PDZD2: variants seen among roughly 807,000 people sequenced by gnomAD.
PDZD2 encodes the protein PDZ domain-containing protein 2.
PDZD2 carries 90 observed loss-of-function variants against 220.7 expected under a neutral mutation model. The observed-to-expected ratio is 0.41, with a 90% CI of 0.34 to 0.49. The LOEUF is 0.49. Ranked by LOEUF, PDZD2 falls within the 20% of genes least tolerant of loss-of-function variation. The pLI, the probability that PDZD2 is intolerant of heterozygous loss-of-function variation, is 0.28. For synonymous variants in PDZD2, 1,375 were observed against 1,450.5 expected (o/e 0.95, Z 1.18); for missense variants, 3,174 against 3,608.5 (o/e 0.88, Z 3.08).
intron 1 of PDZD2, among the ~76,000 whole-genome samples, chr5:31,687,699 C>T (rs1161857287): frequency 3.3e-5 from 5 of 152,196 alleles, no homozygotes; most frequent in African/African-American, 4.8e-5. Flanking sequence ...GGCTGGACAT[C>T]TGAGATCAGT....
chr5:31,944,607 A>C (rs917012496), intron 2 of PDZD2, among the ~76,000 whole-genome samples: 1 of 152,226 alleles, frequency 6.6e-6, no homozygotes, highest in Non-Finnish European at 1.5e-5. Flanking sequence ...CAGAAGACAG[A>C]CTTCGCCTGC....
intron 2 of PDZD2, among the ~76,000 whole-genome samples, chr5:31,925,105 G>C (rs971673244): frequency 6.6e-6 from 1 of 152,234 alleles, no homozygotes; most frequent in Admixed American, 6.5e-5. Flanking sequence ...TGACCGGCAG[G>C]AGGGCCTAAG....
chr5:31,822,741 A>G, intron 2 of PDZD2: 1 of 1,203,434 alleles, frequency 8.3e-7, no homozygotes, highest in Non-Finnish European at 1.2e-6. Flanking sequence ...CTGAACAAGG[A>G]ACACCTGGCC....
At chr5:31,716,101 T>A (rs1748428823) in intron 1 of PDZD2, among the ~76,000 whole-genome samples, 1 of 152,180 alleles carries the variant, frequency 6.6e-6, no homozygotes, top group African/African-American at 2.4e-5. Flanking sequence ...CTCCCAAAAC[T>A]AGCTTTCTCT....
chr5:31,939,412 G>A (rs2150400925), intron 2 of PDZD2, among the ~76,000 whole-genome samples: 1 of 152,350 alleles, frequency 6.6e-6, no homozygotes, highest in Middle Eastern at 3.4e-3. Context: ...ATCAGCACGT[G>A]AGAAAATGTA....
chr5:31,793,874 G>A (rs1020282788), intron 1 of PDZD2, among the ~76,000 whole-genome samples: 9 of 152,254 alleles, frequency 5.9e-5, no homozygotes, highest in Admixed American at 1.3e-4. Flanking sequence ...CCTTGGGCAC[G>A]CACAGTTGTC....
chr5:31,852,257 C>T lies in PDZD2; in HGVS notation c.476+52533C>T, dbSNP rs140617700. On this transcript the variant is annotated intron_variant, in intron 2 of 24. Transcript: ENST00000438447. The stretch of plus-strand genomic sequence containing the variant: ...ATATTTCTTTGCATTATACTTAAAA[C>T]CATACATTTATTTTTATTATTTATT... Among the ~76,000 whole-genome samples, 795 of 152,156 alleles carry T rather than the reference C, an allele frequency of 5.2e-3. 9 individuals carry two copies. The highest frequency in any genetic ancestry group is 0.018 in the African/African-American group (758 of 41,518).
Position 31,764,405 on chromosome 5 carries a change from A to G in PDZD2, c.-360-34484A>G, listed in dbSNP as rs1218435856. On this transcript the variant is annotated intron_variant, in intron 1 of 24. Coordinates refer to ENST00000438447, the MANE Select transcript of PDZD2 (RefSeq NM_178140.4). ...AAACCCTTAGAGGATTTGCCTCTAGATCAGATGTCCAAAAACTCTCCTGGA... is the reference window on the plus strand; with the variant it reads ...AAACCCTTAGAGGATTTGCCTCTAGGTCAGATGTCCAAAAACTCTCCTGGA... Among the ~76,000 whole-genome samples, 3 of 152,168 alleles carry G rather than the reference A, an allele frequency of 2.0e-5. No homozygotes were observed. The East Asian group carries it at 5.8e-4, about 29-fold the overall frequency.
chr5:31,930,854 G>T (rs1745219334), intron 2 of PDZD2, among the ~76,000 whole-genome samples: 1 of 152,154 alleles, frequency 6.6e-6, no homozygotes, highest in African/African-American at 2.4e-5. Context: ...TGGATCACTT[G>T]AGGTCAGGAG....
At chr5:31,773,895 G>A (rs1752478855) in intron 1 of PDZD2, among the ~76,000 whole-genome samples, 1 of 152,120 alleles carries the variant, frequency 6.6e-6, no homozygotes. Flanking sequence ...ATAGATGGAA[G>A]AGTGTTGAGA....
At chr5:31,917,382 A>C (rs1382883556) in intron 2 of PDZD2, among the ~76,000 whole-genome samples, 1 of 152,042 alleles carries the variant, frequency 6.6e-6, no homozygotes, top group African/African-American at 2.4e-5. Context: ...AAAAATACAG[A>C]ACTTACCCTG....
chr5:32,009,364 T>TA (rs1753103528), intron 5 of PDZD2, among the ~76,000 whole-genome samples: 1 of 151,042 alleles, frequency 6.6e-6, no homozygotes, highest in Non-Finnish European at 1.5e-5. Flanking sequence ...AAATTAAAAT[T>TA]AAAAAATCAA....
At chr5:31,721,711 A>AT (rs11368534) in intron 1 of PDZD2, among the ~76,000 whole-genome samples, 122,133 of 150,298 alleles carry the variant, frequency 0.81, 49,931 homozygotes, top group East Asian at 0.94. Flanking sequence ...CCTATCTTAG[A>AT]TTCTTAAAAA....
At chr5:32,041,120 G>A (rs1376902447) in intron 7 of PDZD2, among the ~76,000 whole-genome samples, 2 of 131,538 alleles carry the variant, frequency 1.5e-5, no homozygotes, top group Non-Finnish European at 3.2e-5. Flanking sequence ...GCCTCTGCCC[G>A]GCCGCCCCGT....
chr5:31,901,261 T>TA (rs1742068620), intron 2 of PDZD2, among the ~76,000 whole-genome samples: 1 of 151,812 alleles, frequency 6.6e-6, no homozygotes, highest in African/African-American at 2.4e-5. Flanking sequence ...CTACTAAAAA[T>TA]ACAAAAATTA....
chr5:31,644,398 TTGTC>T, intron 1 of PDZD2, among the ~76,000 whole-genome samples: 1 of 152,346 alleles, frequency 6.6e-6, no homozygotes, highest in East Asian at 1.9e-4. Context: ...TTCAGTCTGA[TTGTC>T]TGAGAGCTAA....
chr5:32,107,955 G>A lies in PDZD2; in HGVS notation c.8354-14G>A. ...ACTGCCAAGCTATTAATTATTCTGT[G>A]TTTATTCTCGTAGGTGGTGCGGCTG... On this transcript the variant is annotated splice_polypyrimidine_tract_variant and intron_variant, in intron 24 of 24. Coordinates refer to ENST00000438447, the MANE Select transcript of PDZD2 (RefSeq NM_178140.4). 6.2e-7 allele frequency: 1 copy of A among 1,601,096 alleles called. No homozygotes were observed. The highest frequency in any genetic ancestry group is 2.2e-5 in the East Asian group (1 of 44,756).
chr5:32,091,427 G>A (rs886437213), intron 20 of PDZD2, among the ~76,000 whole-genome samples: 3 of 151,744 alleles, frequency 2.0e-5, no homozygotes, highest in African/African-American at 7.3e-5. Context: ...TGGGATTACA[G>A]GCGTGCACCA....
chr5:31,878,554 G>GTTTTTTTTTTTTTTT (rs1411853055), intron 2 of PDZD2, among the ~76,000 whole-genome samples: 1 of 39,264 alleles, frequency 2.5e-5, no homozygotes, highest in Non-Finnish European at 5.3e-5. Context: ...GATGACCTCG[G>GTTTTTTTTTTTTTTT]CTTTTTTTTT....
Sources: allele counts gnomAD v4.1 joint callset (sites outside exome capture counted in the v4.1 genomes callset), GRCh38; gene constraint gnomAD v4.1.1; transcripts MANE v1.5; gene names NCBI Gene and HGNC (gene_info 2026-07-23, HGNC 2026-07-21).